Variants in TLL1 observed in about 807,000 individuals in gnomAD.
TLL1 encodes the protein tolloid-like protein 1.
Under a neutral mutation model 128.2 loss-of-function variants are expected in TLL1, and 49 were observed. That is an observed-to-expected ratio of 0.38 (90% CI 0.30 to 0.48). TLL1 has a LOEUF of 0.48. Ranked by LOEUF, TLL1 falls within the 20% of genes least tolerant of loss-of-function variation. The pLI is 0.96. For missense variants in TLL1, 1,123 were observed against 1,242.0 expected, an observed-to-expected ratio of 0.90 and a Z score of 1.44; for synonymous variants, 454 against 418.8, an observed-to-expected ratio of 1.08 and a Z score of -1.03.
chr4:166,034,314 A>T (rs1448279000), intron 9 of TLL1, among the ~76,000 whole-genome samples: 2 of 152,178 alleles, frequency 1.3e-5, no homozygotes, highest in Non-Finnish European at 2.9e-5. Flanking sequence ...AGGAAGGGGA[A>T]AGTAGAGTCC....
chr4:165,902,136 C>G (rs1040599737), intron 1 of TLL1, among the ~76,000 whole-genome samples: 3 of 152,044 alleles, frequency 2.0e-5, no homozygotes, highest in Non-Finnish European at 4.4e-5. Flanking sequence ...GACTGCTGTG[C>G]TGGCAGCAAG....
chr4:165,929,020 G>T (rs528965167), intron 1 of TLL1, among the ~76,000 whole-genome samples: 5 of 152,250 alleles, frequency 3.3e-5, no homozygotes, highest in Admixed American at 3.3e-4. Context: ...GCAAGTGTCG[G>T]ACCATCCCAT....
intron 5 of TLL1, among the ~76,000 whole-genome samples, chr4:165,996,859 C>T (rs899499110): frequency 2.7e-5 from 4 of 149,548 alleles, no homozygotes; most frequent in Non-Finnish European, 5.9e-5. Context: ...ATATATAATT[C>T]ATATAATGTG....
At chr4:165,963,403 G>T (rs928096542) in intron 1 of TLL1, among the ~76,000 whole-genome samples, 5 of 152,064 alleles carry the variant, frequency 3.3e-5, no homozygotes, top group Non-Finnish European at 5.9e-5. Context: ...CTTGAACAAA[G>T]GCTGAAATGA....
intron 5 of TLL1, among the ~76,000 whole-genome samples, chr4:165,997,084 T>A (rs2111022741): frequency 6.6e-6 from 1 of 152,238 alleles, no homozygotes; most frequent in African/African-American, 2.4e-5. Context: ...TGGCAAAGCA[T>A]TATAATCATT....
At chr4:165,962,384 C>A (rs943414131) in intron 1 of TLL1, among the ~76,000 whole-genome samples, 11 of 152,250 alleles carry the variant, frequency 7.2e-5, no homozygotes, top group Middle Eastern at 3.4e-3. Flanking sequence ...CCATCTTACA[C>A]CACTCATAAT....
chr4:165,885,609 A>C (rs1266927624), intron 1 of TLL1, among the ~76,000 whole-genome samples: 1 of 152,274 alleles, frequency 6.6e-6, no homozygotes, highest in East Asian at 1.9e-4. Flanking sequence ...CAAAAAAAAA[A>C]CTACCAAAGA....
chr4:165,962,741 G>T (rs1735172776), intron 1 of TLL1, among the ~76,000 whole-genome samples: 1 of 152,064 alleles, frequency 6.6e-6, no homozygotes, highest in Admixed American at 6.6e-5. Context: ...AGAAAAGAAA[G>T]AAATCATGTT....
At chr4:165,992,177 T>C (rs1447225031) in intron 2 of TLL1, among the ~76,000 whole-genome samples, 1 of 152,066 alleles carries the variant, frequency 6.6e-6, no homozygotes, top group African/African-American at 2.4e-5. Context: ...TTTTTCAAAT[T>C]ACACAGCGTA....
intron 1 of TLL1, among the ~76,000 whole-genome samples, chr4:165,947,168 C>T (rs570799605): frequency 5.1e-4 from 78 of 152,198 alleles, no homozygotes; most frequent in African/African-American, 1.8e-3. Context: ...GGGTGGCCAT[C>T]ATCTTACTGT....
chr4:165,927,700 G>A (rs554212867), intron 1 of TLL1, among the ~76,000 whole-genome samples: 29 of 152,110 alleles, frequency 1.9e-4, no homozygotes, highest in Non-Finnish European at 3.8e-4. Context: ...AGCAATGTCT[G>A]GAGACATTTT....
At chr4:166,061,109 C>T (rs74400445) in intron 15 of TLL1, among the ~76,000 whole-genome samples, 2,315 of 152,042 alleles carry the variant, frequency 0.015, 61 homozygotes, top group African/African-American at 0.053. Context: ...TATCAGAGAA[C>T]GGAAATGTAA....
chr4:166,078,091 C>T, intron 18 of TLL1, 61 bp downstream of exon 18: 1 of 1,606,006 alleles, frequency 6.2e-7, no homozygotes, highest in Middle Eastern at 1.7e-4. Context: ...TCACTACAAG[C>T]ACTTGGAAAT....
intron 10 of TLL1, among the ~76,000 whole-genome samples, chr4:166,041,748 GT>G (rs1739251269): frequency 1.3e-5 from 2 of 152,004 alleles, no homozygotes; most frequent in African/African-American, 2.4e-5. Flanking sequence ...TTCAAATATT[GT>G]TTTTGAGTAA....
At chr4:165,997,180 T>G (rs1294263995) in intron 5 of TLL1, among the ~76,000 whole-genome samples, 2 of 152,162 alleles carry the variant, frequency 1.3e-5, no homozygotes, top group African/African-American at 4.8e-5. Flanking sequence ...ATGCTTCACT[T>G]AAATCTCATA....
At chr4:165,967,830 C>CTGA (rs1324756524) in intron 1 of TLL1, among the ~76,000 whole-genome samples, 6 of 152,096 alleles carry the variant, frequency 3.9e-5, no homozygotes, top group Admixed American at 6.5e-5. Flanking sequence ...CAATGCAAAG[C>CTGA]TGATGTACTA....
chr4:166,065,891 A>ATATT (rs1329288825), intron 16 of TLL1, 28 bp downstream of exon 16: 1 of 1,606,700 alleles, frequency 6.2e-7, no homozygotes, highest in South Asian at 1.1e-5. Flanking sequence ...TTGTATGTGT[A>ATATT]TATTACAGAT....
At chr4:166,075,101 A>G in intron 17 of TLL1, 98 bp downstream of exon 17, 5 of 1,537,946 alleles carry the variant, frequency 3.3e-6, no homozygotes, top group African/African-American at 1.4e-5. Context: ...TCAATGAGTG[A>G]TATCATGGTG....
intron 3 of TLL1, 55 bp downstream of exon 3, chr4:165,992,939 A>G: frequency 7.4e-7 from 1 of 1,357,094 alleles, no homozygotes; most frequent in Non-Finnish European, 1.1e-6. Flanking sequence ...TAAATATTAT[A>G]CTCATAGCAG....
Sources: allele counts gnomAD v4.1 joint callset (sites outside exome capture counted in the v4.1 genomes callset), GRCh38; gene constraint gnomAD v4.1.1; transcripts MANE v1.5; gene names NCBI Gene and HGNC (gene_info 2026-07-23, HGNC 2026-07-21).